The following RTL4 variants were observed in gnomAD, a reference collection of about 807,000 sequenced individuals.
RTL4 encodes the protein retrotransposon Gag like 4, also known as retrotransposon Gag-like protein 4.
RTL4 carries 4 observed loss-of-function variants against 5.3 expected under a neutral mutation model. That is an observed-to-expected ratio of 0.75 (90% CI 0.37 to 1.72). The LOEUF (loss-of-function observed/expected upper bound fraction) is 1.72. Among genes scored for constraint, RTL4 ranks in the 40% most tolerant of loss-of-function variants. The probability of loss-of-function intolerance (pLI) is 0.04; values close to 1 mark genes in which losing one functional copy is unlikely to be tolerated. For missense variants in RTL4, 260 were observed against 227.1 expected, an observed-to-expected ratio of 1.14 and a Z score of -0.93; for synonymous variants, 98 against 87.3, an observed-to-expected ratio of 1.12 and a Z score of -0.68.
the RTL4 span, among the ~76,000 whole-genome samples, chrX:112,128,319 A>C: frequency 5.3e-4 from 59 of 111,466 alleles, no homozygotes; most frequent in African/African-American, 1.9e-3. Flanking sequence ...TAAGGAGAGA[A>C]TATTCTCTTC....
the RTL4 span, among the ~76,000 whole-genome samples, chrX:112,233,832 A>G: frequency 7.2e-5 from 8 of 111,834 alleles, no homozygotes; most frequent in African/African-American, 2.6e-4. Flanking sequence ...GACATACAAC[A>G]AGTACCAATT....
chrX:112,202,687 A>G, the RTL4 span, among the ~76,000 whole-genome samples: 2 of 109,023 alleles, frequency 1.8e-5, no homozygotes, highest in South Asian at 8.0e-4. Flanking sequence ...CAGCCTCCCA[A>G]GTAGCTGGGA....
chrX:112,364,354 C>A, the RTL4 span, among the ~76,000 whole-genome samples: 1,430 of 111,448 alleles, frequency 0.013, 13 homozygotes, highest in Non-Finnish European at 0.02. Flanking sequence ...GACTGAAATT[C>A]CAGTATCCCA....
At chrX:112,437,790 GTGGTGGTGGTGA>G in the RTL4 span, among the ~76,000 whole-genome samples, 5 of 85,710 alleles carry the variant, frequency 5.8e-5, no homozygotes, top group Admixed American at 1.6e-4. Flanking sequence ...AGTCATGGTA[GTGGTGGTGGTGA>G]TGGTGGTGGT....
chrX:112,306,810 T>C, the RTL4 span, among the ~76,000 whole-genome samples: 1 of 111,593 alleles, frequency 9.0e-6, no homozygotes, highest in Non-Finnish European at 1.9e-5. Context: ...CGTAGGAAAC[T>C]CTACGCTCAA....
chrX:112,304,639 C>CT, the RTL4 span, among the ~76,000 whole-genome samples: 1,697 of 48,344 alleles, frequency 0.035, 104 homozygotes, highest in Admixed American at 0.052. Context: ...TTTCCCACAT[C>CT]TTTTTTTTTT....
At chrX:112,403,121 T>C in the RTL4 span, among the ~76,000 whole-genome samples, 2 of 111,635 alleles carry the variant, frequency 1.8e-5, no homozygotes, top group East Asian at 5.6e-4. Context: ...GTACATGTGG[T>C]TGGAATAAAT....
the RTL4 span, among the ~76,000 whole-genome samples, chrX:112,424,206 G>T: frequency 9.0e-6 from 1 of 111,701 alleles, no homozygotes; most frequent in Non-Finnish European, 1.9e-5. Context: ...AGGACATGCC[G>T]GGAAGAGTGT....
At chrX:112,093,969 G>T in the RTL4 span, among the ~76,000 whole-genome samples, 2 of 111,662 alleles carry the variant, frequency 1.8e-5, no homozygotes, top group African/African-American at 6.5e-5. Flanking sequence ...TCATGTGAGG[G>T]CTTGTTGCCA....
At chrX:112,314,333 A>G in the RTL4 span, among the ~76,000 whole-genome samples, 1 of 110,345 alleles carries the variant, frequency 9.1e-6, no homozygotes. Context: ...TCCTAACACC[A>G]TATGTAATCC....
chrX:112,397,598 T>C, the RTL4 span, among the ~76,000 whole-genome samples: 3 of 112,296 alleles, frequency 2.7e-5, no homozygotes, highest in Non-Finnish European at 5.6e-5. Context: ...AAAACAGACA[T>C]CTTAAGTGTT....
At chrX:112,305,825 G>C in the RTL4 span, among the ~76,000 whole-genome samples, 1 of 112,127 alleles carries the variant, frequency 8.9e-6, no homozygotes, top group African/African-American at 3.2e-5. Context: ...GTCATGTGCT[G>C]CCTTCTTTGC....
At chrX:112,254,439 C>T in the RTL4 span, among the ~76,000 whole-genome samples, 19,569 of 109,297 alleles carry the variant, frequency 0.18, 1,291 homozygotes, top group African/African-American at 0.24. Context: ...AAGTGATTCT[C>T]CTGCCTCAGC....
chrX:112,109,301 T>C, the RTL4 span, among the ~76,000 whole-genome samples: 4 of 111,708 alleles, frequency 3.6e-5, no homozygotes, highest in Admixed American at 1.9e-4. Context: ...CCGCAGACCT[T>C]TGTGGTGAGT....
chrX:112,450,747 A>G (rs1238979324), upstream of RTL4, among the ~76,000 whole-genome samples: 1 of 112,163 alleles, frequency 8.9e-6, no homozygotes, highest in African/African-American at 3.2e-5. Flanking sequence ...AACAGAACTC[A>G]ACAGAGATTC....
chrX:112,310,369 CATATATATATATATATATATAT>C, the RTL4 span, among the ~76,000 whole-genome samples: 8 of 4,359 alleles, frequency 1.8e-3, no homozygotes, highest in Admixed American at 6.8e-3. Flanking sequence ...CACCTTTATA[CATATATATATATATATATATAT>C]ATATATATAT....
chrX:112,420,079 C>T, the RTL4 span, among the ~76,000 whole-genome samples: 4 of 109,749 alleles, frequency 3.6e-5, no homozygotes, highest in African/African-American at 1.3e-4. Flanking sequence ...TCCTAAAATT[C>T]TAAGAGAGGT....
chrX:112,298,748 T>C, the RTL4 span, among the ~76,000 whole-genome samples: 2 of 112,464 alleles, frequency 1.8e-5, no homozygotes, highest in East Asian at 2.8e-4. Context: ...TTGGGGGTAG[T>C]GGGGTTATTT....
At chrX:112,360,908 T>A in the RTL4 span, among the ~76,000 whole-genome samples, 1 of 110,957 alleles carries the variant, frequency 9.0e-6, no homozygotes, top group African/African-American at 3.3e-5. Flanking sequence ...TGGAGTTATT[T>A]ATGGCCTAGG....
Sources: gnomAD v4.1 joint callset for allele counts (sites outside exome capture counted in the v4.1 genomes callset) on GRCh38, gnomAD v4.1.1 for gene constraint, MANE v1.5 for transcripts, NCBI Gene and HGNC (gene_info 2026-07-23, HGNC 2026-07-21) for gene names.